Variants in FGF14 observed in about 807,000 individuals in gnomAD.
FGF14 encodes fibroblast growth factor 14.
Under a neutral mutation model 25.5 loss-of-function variants are expected in FGF14, and 5 were observed. That is an observed-to-expected ratio of 0.20 (90% CI 0.10 to 0.41). The LOEUF (loss-of-function observed/expected upper bound fraction) is 0.41. Ranked by LOEUF, FGF14 falls within the 10% of genes least tolerant of loss-of-function variation. FGF14 has a pLI of 1.00. For synonymous variants in FGF14, 138 were observed against 118.3 expected (o/e 1.17, Z -1.08); for missense variants, 222 against 320.1 (o/e 0.69, Z 2.34).
intron 1 of FGF14, among the ~76,000 whole-genome samples, chr13:102,017,246 A>T (rs2040396432): frequency 6.6e-6 from 1 of 152,156 alleles, no homozygotes; most frequent in Admixed American, 6.5e-5. Flanking sequence ...TATTGTGTTT[A>T]TAGTCACCCT....
At chr13:102,096,566 T>A (rs960311215) in intron 1 of FGF14, among the ~76,000 whole-genome samples, 19 of 152,362 alleles carry the variant, frequency 1.2e-4, no homozygotes, top group African/African-American at 4.6e-4. Flanking sequence ...TTGTATTTAC[T>A]TATTGTAACA....
intron 1 of FGF14, among the ~76,000 whole-genome samples, chr13:102,230,721 T>C (rs907708752): frequency 2.0e-5 from 3 of 152,196 alleles, no homozygotes; most frequent in African/African-American, 7.2e-5. Context: ...AAGACCCTAA[T>C]CCATCTCAGT....
intron 3 of FGF14, among the ~76,000 whole-genome samples, chr13:101,805,229 G>A (rs1380265285): frequency 6.6e-6 from 1 of 152,080 alleles, no homozygotes; most frequent in African/African-American, 2.4e-5. Context: ...CTCTCTTAGT[G>A]GTTGCCTTGT....
chr13:101,779,583 C>T (rs2039359730), intron 3 of FGF14, among the ~76,000 whole-genome samples: 1 of 152,082 alleles, frequency 6.6e-6, no homozygotes, highest in Non-Finnish European at 1.5e-5. Flanking sequence ...TGAAATATTT[C>T]TCAAATATTT....
At chr13:102,288,968 A>G (rs1195117599) in intron 1 of FGF14, among the ~76,000 whole-genome samples, 1 of 150,878 alleles carries the variant, frequency 6.6e-6, no homozygotes, top group Non-Finnish European at 1.5e-5. Context: ...TTTTTTTTTC[A>G]ATTGGAGTAC....
intron 1 of FGF14, among the ~76,000 whole-genome samples, chr13:102,369,893 T>A (rs2057825647): frequency 1.3e-5 from 2 of 152,252 alleles, no homozygotes; most frequent in South Asian, 4.1e-4. Context: ...TTTTATGATT[T>A]TAATGCTGAG....
At chr13:102,180,099 T>A (rs2048605166) in intron 1 of FGF14, among the ~76,000 whole-genome samples, 1 of 152,126 alleles carries the variant, frequency 6.6e-6, no homozygotes. Flanking sequence ...AGAGAAAGGT[T>A]AACATTGACT....
At chr13:102,251,298 G>T (rs1306146313) in intron 1 of FGF14, among the ~76,000 whole-genome samples, 1 of 152,076 alleles carries the variant, frequency 6.6e-6, no homozygotes, top group Non-Finnish European at 1.5e-5. Flanking sequence ...TTTATTTCCT[G>T]TCTTGCAATC....
chr13:102,345,191 A>G (rs954513959), intron 1 of FGF14, among the ~76,000 whole-genome samples: 1 of 152,206 alleles, frequency 6.6e-6, no homozygotes, highest in African/African-American at 2.4e-5. Flanking sequence ...GAAGAAGTAA[A>G]AAGGATTTGG....
chr13:102,154,517 T>C (rs899653446), intron 1 of FGF14, among the ~76,000 whole-genome samples: 5 of 151,804 alleles, frequency 3.3e-5, no homozygotes, highest in African/African-American at 4.8e-5. Flanking sequence ...CTGAAGGAAG[T>C]ACTAAACATG....
At chr13:102,050,650 CAGAGTA>C (rs1219640633) in intron 1 of FGF14, among the ~76,000 whole-genome samples, 2 of 151,998 alleles carry the variant, frequency 1.3e-5, no homozygotes, top group Admixed American at 6.6e-5. Flanking sequence ...ACAAATATGG[CAGAGTA>C]AGAGACAAGC....
At chr13:102,296,418 G>C (rs2054715585) in intron 1 of FGF14, among the ~76,000 whole-genome samples, 1 of 152,030 alleles carries the variant, frequency 6.6e-6, no homozygotes, top group Non-Finnish European at 1.5e-5. Flanking sequence ...GCATTTTTGG[G>C]GTGGTCTGCA....
intron 1 of FGF14, among the ~76,000 whole-genome samples, chr13:102,139,018 T>C (rs2046525208): frequency 6.6e-6 from 1 of 152,230 alleles, no homozygotes; most frequent in African/African-American, 2.4e-5. Flanking sequence ...TTGCCTAATA[T>C]GTAAAATTCC....
At chr13:102,201,541 G>A (rs1057225469) in intron 1 of FGF14, among the ~76,000 whole-genome samples, 5 of 152,220 alleles carry the variant, frequency 3.3e-5, no homozygotes, top group South Asian at 2.1e-4. Context: ...ACTGAAAATC[G>A]TCTCCAGGGC....
chr13:101,820,802 ACAC>A (rs1412590277), intron 3 of FGF14, among the ~76,000 whole-genome samples: 5 of 67,722 alleles, frequency 7.4e-5, no homozygotes, highest in Admixed American at 1.4e-4. Flanking sequence ...ACACACACAC[ACAC>A]AACACACACA....
chr13:102,401,498 T>A, exon 1 of FGF14: 1 of 1,614,162 alleles, frequency 6.2e-7, no homozygotes, highest in Non-Finnish European at 8.5e-7. Context: ...TTCTTAAGAC[T>A]CTTGCCACAA....
At chr13:101,956,098 T>C (rs907737860) in intron 1 of FGF14, among the ~76,000 whole-genome samples, 2 of 152,234 alleles carry the variant, frequency 1.3e-5, no homozygotes, top group Non-Finnish European at 2.9e-5. Flanking sequence ...AAATATTTCC[T>C]GCAACCTCTG....
At chr13:101,738,339 C>T (rs549240217) in intron 3 of FGF14, among the ~76,000 whole-genome samples, 1 of 152,156 alleles carries the variant, frequency 6.6e-6, no homozygotes, top group Non-Finnish European at 1.5e-5. Flanking sequence ...AATCATCTTA[C>T]TGGGATATGA....
At chr13:102,368,837 G>T (rs777860453) in intron 1 of FGF14, among the ~76,000 whole-genome samples, 5 of 152,158 alleles carry the variant, frequency 3.3e-5, no homozygotes, top group Admixed American at 6.5e-5. Context: ...AACTATGTAA[G>T]ATGTGTCCTG....
Sources: allele counts gnomAD v4.1 joint callset (sites outside exome capture counted in the v4.1 genomes callset), GRCh38; gene constraint gnomAD v4.1.1; transcripts MANE v1.5; gene names NCBI Gene and HGNC (gene_info 2026-07-23, HGNC 2026-07-21).